The following ST6GALNAC3 variants were observed in gnomAD, a reference collection of about 807,000 sequenced individuals.
ST6GALNAC3 encodes ST6 N-acetylgalactosaminide alpha-2,6-sialyltransferase 3.
ST6GALNAC3 carries 25 observed loss-of-function variants against 32.7 expected under a neutral mutation model. The observed-to-expected ratio is 0.76, with a 90% CI of 0.56 to 1.07. The LOEUF is 1.07. Among genes scored for constraint, ST6GALNAC3 ranks in the 50% least tolerant of loss-of-function variants. The pLI, the probability that ST6GALNAC3 is intolerant of heterozygous loss-of-function variation, is 0.00. For missense variants in ST6GALNAC3, 355 were observed against 382.4 expected, an observed-to-expected ratio of 0.93 and a Z score of 0.60; for synonymous variants, 129 against 133.1, an observed-to-expected ratio of 0.97 and a Z score of 0.21.
Position 76,212,872 on chromosome 1 carries a change from AT to A in ST6GALNAC3, c.19-100928del, listed in dbSNP as rs36073183. Among the ~76,000 whole-genome samples, 642 of 152,278 alleles carry A rather than the reference AT, an allele frequency of 4.2e-3. 6 individuals carry two copies. Among genetic ancestry groups the A allele is most frequent in the African/African-American group, 0.015 (609 of 41,558 alleles). ...TTAGTTACTTGGTGGGCTAGACAGTATTTTTGGGTGCCACTGGCAAGTCTAA... is the reference window on the plus strand; with the variant it reads ...TTAGTTACTTGGTGGGCTAGACAGTATTTTGGGTGCCACTGGCAAGTCTAA... On this transcript the variant is annotated intron_variant, in intron 1 of 4. Coordinates refer to ENST00000328299, the MANE Select transcript of ST6GALNAC3 (RefSeq NM_152996.4).
chr1:76,429,513 C>T lies in ST6GALNAC3; in HGVS notation c.623+17096C>T, dbSNP rs553991919. Among the ~76,000 whole-genome samples the T allele has an allele frequency of 4.6e-5, 7 of 152,276 alleles. No individual in the cohort carries two copies. In the South Asian group the frequency reaches 1.4e-3, roughly 32 times the overall value. ...TCCACTGACATTTTATTGCATTGCA[C>T]ATTTAGATAATCATCCAGACTTTTA... On this transcript the variant is annotated intron_variant, in intron 3 of 4. Transcript: ENST00000328299.
intron 1 of ST6GALNAC3, among the ~76,000 whole-genome samples, chr1:76,120,596 G>A (rs1163060566): frequency 6.6e-6 from 1 of 152,158 alleles, no homozygotes; most frequent in Non-Finnish European, 1.5e-5. Flanking sequence ...AATTGCTCAA[G>A]GTCACATGAA....
chr1:76,158,672 C>A (rs927601628), intron 1 of ST6GALNAC3, among the ~76,000 whole-genome samples: 2 of 152,176 alleles, frequency 1.3e-5, no homozygotes, highest in Non-Finnish European at 2.9e-5. Context: ...GTAGCTACCT[C>A]ACTGGTCATA....
At chr1:76,495,429 C>T (rs546978897) in intron 3 of ST6GALNAC3, among the ~76,000 whole-genome samples, 176 of 152,154 alleles carry the variant, frequency 1.2e-3, no homozygotes, top group African/African-American at 4.2e-3. Context: ...CAAAAAGTGT[C>T]ATGACTTAGG....
chr1:76,573,736 T>TA (rs1444721733), intron 3 of ST6GALNAC3, among the ~76,000 whole-genome samples: 1 of 151,672 alleles, frequency 6.6e-6, no homozygotes, highest in African/African-American at 2.4e-5. Context: ...AAAGCATAAA[T>TA]AAAAAATAAA....
chr1:76,327,845 C>T (rs1647107940), intron 2 of ST6GALNAC3, among the ~76,000 whole-genome samples: 1 of 152,098 alleles, frequency 6.6e-6, no homozygotes, highest in South Asian at 2.1e-4. Context: ...ACTCTTCAGC[C>T]TCTCAAAGTG....
intron 1 of ST6GALNAC3, among the ~76,000 whole-genome samples, chr1:76,208,479 C>T (rs980707260): frequency 6.6e-6 from 1 of 152,198 alleles, no homozygotes; most frequent in Admixed American, 6.5e-5. Flanking sequence ...AGACTTAAAC[C>T]ATGTGCCTCT....
chr1:76,252,342 C>T (rs978661225), intron 1 of ST6GALNAC3, among the ~76,000 whole-genome samples: 1 of 152,128 alleles, frequency 6.6e-6, no homozygotes, highest in African/African-American at 2.4e-5. Flanking sequence ...TATAAATGAC[C>T]TCCCCCCAAC....
intron 1 of ST6GALNAC3, among the ~76,000 whole-genome samples, chr1:76,179,323 C>G (rs926114972): frequency 6.6e-6 from 1 of 152,168 alleles, no homozygotes; most frequent in African/African-American, 2.4e-5. Flanking sequence ...TTGCTGAGGT[C>G]AAACTCCTTG....
chr1:76,636,351 A>G (rs1649505153), downstream of ST6GALNAC3, among the ~76,000 whole-genome samples: 1 of 152,018 alleles, frequency 6.6e-6, no homozygotes. Context: ...TTTTGTGCCT[A>G]TTTCCCTTTC....
At chr1:76,416,928 C>T (rs779772917) in intron 3 of ST6GALNAC3, among the ~76,000 whole-genome samples, 6 of 151,794 alleles carry the variant, frequency 4.0e-5, no homozygotes, top group Non-Finnish European at 7.4e-5. Flanking sequence ...GCCCGGCCAG[C>T]ATTGTGTTTT....
intron 3 of ST6GALNAC3, among the ~76,000 whole-genome samples, chr1:76,532,234 TA>T (rs1417148084): frequency 6.6e-6 from 1 of 152,134 alleles, no homozygotes; most frequent in African/African-American, 2.4e-5. Flanking sequence ...CCAGGGAAGG[TA>T]TTTGCCTCCC....
chr1:76,535,098 G>A (rs1246806899), intron 3 of ST6GALNAC3, among the ~76,000 whole-genome samples: 1 of 152,136 alleles, frequency 6.6e-6, no homozygotes, highest in African/African-American at 2.4e-5. Context: ...CAAGGCAGTA[G>A]GGCATGGGAT....
At chr1:76,357,418 C>A (rs989999113) in intron 2 of ST6GALNAC3, among the ~76,000 whole-genome samples, 1 of 152,046 alleles carries the variant, frequency 6.6e-6, no homozygotes, top group Non-Finnish European at 1.5e-5. Context: ...GGTTTTCCAA[C>A]CTTATTTCCT....
chr1:76,176,320 A>C (rs1473566727), intron 1 of ST6GALNAC3, among the ~76,000 whole-genome samples: 1 of 152,114 alleles, frequency 6.6e-6, no homozygotes, highest in African/African-American at 2.4e-5. Context: ...TGCACAGAAA[A>C]GTCTTGGTTT....
At chr1:76,078,199 A>G (rs1315319860) in intron 1 of ST6GALNAC3, among the ~76,000 whole-genome samples, 1 of 152,208 alleles carries the variant, frequency 6.6e-6, no homozygotes, top group East Asian at 1.9e-4. Flanking sequence ...TAATCTTCTC[A>G]ATGAATTTTG....
intron 2 of ST6GALNAC3, among the ~76,000 whole-genome samples, chr1:76,326,493 A>G (rs1647072355): frequency 8.5e-5 from 13 of 152,224 alleles, no homozygotes; most frequent in Admixed American, 8.5e-4. Flanking sequence ...ATTTATGGGA[A>G]TTGCATTAAA....
chr1:76,318,988 T>G (rs184615991), intron 2 of ST6GALNAC3, among the ~76,000 whole-genome samples: 428 of 152,234 alleles, frequency 2.8e-3, no homozygotes, highest in Non-Finnish European at 4.0e-3. Context: ...GTGTTGTCTT[T>G]TTTGTTGTGT....
intron 3 of ST6GALNAC3, among the ~76,000 whole-genome samples, chr1:76,462,845 C>T (rs542505198): frequency 1.3e-5 from 2 of 152,256 alleles, no homozygotes; most frequent in South Asian, 2.1e-4. Flanking sequence ...GAGTGTATTG[C>T]AACAACCACT....
Sources: gnomAD v4.1 joint callset for allele counts (sites outside exome capture counted in the v4.1 genomes callset) on GRCh38, gnomAD v4.1.1 for gene constraint, MANE v1.5 for transcripts, NCBI Gene and HGNC (gene_info 2026-07-23, HGNC 2026-07-21) for gene names.